Variants in ABHD3 observed in about 807,000 individuals in gnomAD.
ABHD3 encodes the protein phospholipase ABHD3.
In ABHD3, 46 loss-of-function variants were observed where a neutral mutation model predicts 48.8. That is an observed-to-expected ratio of 0.94 (90% CI 0.74 to 1.20). The LOEUF (loss-of-function observed/expected upper bound fraction) is 1.20, where lower values mean the gene tolerates loss of function less well. ABHD3 is among the 50% of genes most tolerant of loss of function. The pLI is 0.00. For missense variants in ABHD3, 490 were observed against 497.8 expected (o/e 0.98, Z 0.15); for synonymous variants, 192 against 183.7 (o/e 1.04, Z -0.36).
chr18:21,691,446 A>G (rs2040249937), intron 3 of ABHD3, among the ~76,000 whole-genome samples: 1 of 152,222 alleles, frequency 6.6e-6, no homozygotes, highest in African/African-American at 2.4e-5. Flanking sequence ...CATTCTTTTC[A>G]AGAAATGATG....
At chr18:21,665,566 C>A (rs753842690) in intron 4 of ABHD3, among the ~76,000 whole-genome samples, 1 of 152,060 alleles carries the variant, frequency 6.6e-6, no homozygotes, top group Non-Finnish European at 1.5e-5. Flanking sequence ...CCTGTAATCC[C>A]AGCACTTTGG....
intron 3 of ABHD3, among the ~76,000 whole-genome samples, chr18:21,694,638 C>A (rs932801061): frequency 1.3e-5 from 2 of 152,102 alleles, no homozygotes; most frequent in African/African-American, 2.4e-5. Context: ...TTGCAAAAAT[C>A]CCTCGAGTGA....
intron 4 of ABHD3, among the ~76,000 whole-genome samples, chr18:21,673,371 G>A (rs977904613): frequency 6.6e-6 from 1 of 151,802 alleles, no homozygotes; most frequent in African/African-American, 2.4e-5. Context: ...TCAGGTCACC[G>A]CAACCTCCGC....
chr18:21,686,102 C>T (rs757187958), intron 3 of ABHD3, among the ~76,000 whole-genome samples: 1 of 152,196 alleles, frequency 6.6e-6, no homozygotes, highest in Non-Finnish European at 1.5e-5. Flanking sequence ...CCTTGGCCTC[C>T]CAAATGCTGG....
chr18:21,657,115 G>C lies in ABHD3; in HGVS notation c.880C>G (p.His294Asp). ...HMFVKQVDMD[H>D]VMKAKSIREF... ...AGTTTCTCTCCTACCTTCATGACAT[G>C]ATCCATATCAACTTGTTTTACAAAC... is the stretch of plus-strand genomic sequence containing the variant. Residue 294 changes from histidine to aspartate, a missense_variant, in exon 7 of 9, where the codon CAT becomes GAT. Physicochemically the swap from His to Asp is moderately conservative, Grantham distance 81. Transcript: ENST00000289119. The C allele has an allele frequency of 6.2e-7, 1 of 1,612,976 alleles. No homozygotes were observed. The highest frequency in any genetic ancestry group is 8.5e-7 in the Non-Finnish European group (1 of 1,179,642).
chr18:21,670,812 C>T (rs567067828), intron 4 of ABHD3, among the ~76,000 whole-genome samples: 13 of 152,150 alleles, frequency 8.5e-5, no homozygotes, highest in Admixed American at 4.6e-4. Flanking sequence ...GTCAGGAGTT[C>T]GAGACCAGTC....
At chr18:21,667,077 AT>A (rs60152923) in intron 4 of ABHD3, among the ~76,000 whole-genome samples, 444 of 124,840 alleles carry the variant, frequency 3.6e-3, no homozygotes, top group Non-Finnish European at 3.2e-3. Flanking sequence ...AGAAAATTAC[AT>A]TTTTTTTTTT....
chr18:21,666,193 CTTTAT>C (rs964600918), intron 4 of ABHD3, among the ~76,000 whole-genome samples: 80 of 151,832 alleles, frequency 5.3e-4, no homozygotes, highest in South Asian at 2.5e-3. Flanking sequence ...ACCAGCTAAT[CTTTAT>C]TTTATTTTAT....
chr18:21,651,791 A>T, intron 8 of ABHD3, 28 bp from the exon 9 acceptor site: 3 of 1,503,076 alleles, frequency 2.0e-6, no homozygotes, highest in Non-Finnish European at 2.7e-6. Flanking sequence ...CATGGCAATA[A>T]GAGAGAAGAA....
intron 3 of ABHD3, among the ~76,000 whole-genome samples, chr18:21,690,383 C>G (rs2040220440): frequency 6.6e-6 from 1 of 152,108 alleles, no homozygotes; most frequent in Admixed American, 6.6e-5. Context: ...AGGCAAATCA[C>G]TTGAGGTCAG....
chr18:21,657,094 T>C lies in ABHD3; in HGVS notation c.891+10A>G, dbSNP rs202005586. On this transcript the variant is annotated intron_variant, in intron 7 of 8. Coordinates refer to ENST00000289119, the MANE Select transcript of ABHD3 (RefSeq NM_138340.5). ...AGAAATAAAAGTATTACATAAAGTT[T>C]CTCTCCTACCTTCATGACATGATCC... The C allele has an allele frequency of 6.2e-7, 1 of 1,613,806 alleles. No individual in the cohort carries two copies. Among genetic ancestry groups the C allele is most frequent in the Non-Finnish European group, 8.5e-7 (1 of 1,179,922 alleles).
intron 4 of ABHD3, among the ~76,000 whole-genome samples, chr18:21,679,945 A>G (rs1389099913): frequency 6.6e-6 from 1 of 152,166 alleles, no homozygotes; most frequent in East Asian, 1.9e-4. Flanking sequence ...AAGTGCTGGG[A>G]TTACAGGCAT....
chr18:21,696,831 A>G (rs1432714869), intron 3 of ABHD3, among the ~76,000 whole-genome samples: 1 of 152,030 alleles, frequency 6.6e-6, no homozygotes, highest in East Asian at 1.9e-4. Flanking sequence ...AGCCTTCCAA[A>G]GTGCTGGGAT....
chr18:21,667,306 G>A lies in ABHD3; in HGVS notation c.556-3076C>T, dbSNP rs1170813834. On this transcript the variant is annotated intron_variant, in intron 4 of 8. Coordinates refer to ENST00000289119, the MANE Select transcript of ABHD3 (RefSeq NM_138340.5). ...GTTGCCCAGGCTGGAGTGCAATGGC[G>A]AGATCTCGGCTCACCGCAACCTCCG... is the stretch of plus-strand genomic sequence containing the variant. 2.8e-5 allele frequency among the ~76,000 whole-genome samples: 4 copies of A among 143,760 alleles called. 1 individual carries two copies. The South Asian group carries it at 6.6e-4, about 24-fold the overall frequency. 94.3% of individuals were successfully genotyped at this position (143,760 alleles called of 152,430 possible). A position where few individuals can be genotyped will look rare whatever the true frequency, so the allele number is the denominator to read the frequency against.
At chr18:21,676,512 T>C (rs1278905792) in intron 4 of ABHD3, among the ~76,000 whole-genome samples, 2 of 152,198 alleles carry the variant, frequency 1.3e-5, no homozygotes, top group Non-Finnish European at 2.9e-5. Flanking sequence ...TGTCTCAGCC[T>C]CCCAAGTAAC....
intron 8 of ABHD3, among the ~76,000 whole-genome samples, chr18:21,654,270 G>C (rs2146276373): frequency 6.6e-6 from 1 of 152,074 alleles, no homozygotes; most frequent in East Asian, 1.9e-4. Flanking sequence ...TCACAACTTG[G>C]GCTGAGTTTT....
At chr18:21,695,717 G>A (rs1244998332) in intron 3 of ABHD3, among the ~76,000 whole-genome samples, 7 of 152,138 alleles carry the variant, frequency 4.6e-5, no homozygotes, top group Admixed American at 3.3e-4. Context: ...CATACAAGCC[G>A]TGATCTACCT....
intron 3 of ABHD3, 67 bp from the exon 4 acceptor site, chr18:21,684,032 G>A (rs2040070674): frequency 7.1e-7 from 1 of 1,401,158 alleles, no homozygotes; most frequent in South Asian, 1.3e-5. Context: ...TAATATTAAA[G>A]TCATCTTACT....
chr18:21,685,747 G>C (rs891874446), intron 3 of ABHD3, among the ~76,000 whole-genome samples: 4 of 152,106 alleles, frequency 2.6e-5, no homozygotes, highest in African/African-American at 9.7e-5. Context: ...ACCCACACTG[G>C]AGTGCAGTGA....
Sources: gnomAD v4.1 joint callset for allele counts (sites outside exome capture counted in the v4.1 genomes callset) on GRCh38, gnomAD v4.1.1 for gene constraint, MANE v1.5 for transcripts, NCBI Gene and HGNC (gene_info 2026-07-23, HGNC 2026-07-21) for gene names.